Variants in KCNG2 observed in about 807,000 individuals in gnomAD.
The protein encoded by KCNG2 is potassium voltage-gated channel modifier subfamily G member 2.
A neutral mutation model predicts 12.3 loss-of-function variants in KCNG2; 7 were observed. That is an observed-to-expected ratio of 0.57 (90% CI 0.32 to 1.07). The LOEUF is 1.07. KCNG2 is among the 50% of genes least tolerant of loss of function. The pLI, the probability that KCNG2 is intolerant of heterozygous loss-of-function variation, is 0.04. For synonymous variants in KCNG2, 414 were observed against 351.4 expected (o/e 1.18, Z -1.99); for missense variants, 703 against 726.0 (o/e 0.97, Z 0.36).
chr18:79,813,183 TA>T (rs950191787), intron 1 of KCNG2, among the ~76,000 whole-genome samples: 1 of 152,064 alleles, frequency 6.6e-6, no homozygotes, highest in East Asian at 1.9e-4. Flanking sequence ...AATTTAAAAA[TA>T]AAAAAAGAAA....
chr18:79,820,477 A>T (rs889545208), intron 1 of KCNG2, among the ~76,000 whole-genome samples: 3 of 152,110 alleles, frequency 2.0e-5, no homozygotes, highest in Non-Finnish European at 2.9e-5. Context: ...TGTCTTTCTT[A>T]TTACAGCCAT....
intron 1 of KCNG2, among the ~76,000 whole-genome samples, chr18:79,842,303 G>A (rs1239807539): frequency 6.6e-6 from 1 of 152,180 alleles, no homozygotes; most frequent in Non-Finnish European, 1.5e-5. Flanking sequence ...TCCAGCAGCA[G>A]GCCTTCATAT....
intron 1 of KCNG2, among the ~76,000 whole-genome samples, chr18:79,801,855 G>C (rs1156780563): frequency 6.6e-6 from 1 of 152,226 alleles, no homozygotes; most frequent in African/African-American, 2.4e-5. Flanking sequence ...TCTCACCCGT[G>C]TCCCCGCCCT....
chr18:79,887,320 G>A (rs1230223855), intron 3 of KCNG2, among the ~76,000 whole-genome samples: 3 of 152,038 alleles, frequency 2.0e-5, no homozygotes, highest in African/African-American at 7.3e-5. Flanking sequence ...CAGAGGCGGA[G>A]GCCGCCCTGG....
At chr18:79,866,368 G>T (rs139062538) in intron 3 of KCNG2, among the ~76,000 whole-genome samples, 20,832 of 82,962 alleles carry the variant, frequency 0.25, 2,690 homozygotes, top group Middle Eastern at 0.36. Flanking sequence ...CTGAGGTCTG[G>T]GTGCTGAGGT....
At chr18:79,862,227 G>A (rs1979247367) in intron 2 of KCNG2, among the ~76,000 whole-genome samples, 1 of 152,176 alleles carries the variant, frequency 6.6e-6, no homozygotes, top group African/African-American at 2.4e-5. Flanking sequence ...ATAAGTGGCA[G>A]TTCTGGAAAT....
chr18:79,863,933 A>G lies in KCNG2; in HGVS notation c.266A>G (p.Lys89Arg). Residue 89 changes from lysine to arginine, a missense_variant, in exon 3 of 4, where the codon AAG becomes AGG. By Grantham distance (26) the Lys-to-Arg change is conservative. Transcript: ENST00000316249. ...RAIVALLRAG[K>R]LRLLRGPCAL... The stretch of plus-strand genomic sequence containing the variant: ...ATCGTGGCGCTTTTGCGCGCAGGGA[A>G]GCTGCGACTGCTGCGGGGCCCGTGC... 1.5e-6 allele frequency: 2 copies of G among 1,362,610 alleles called. No homozygotes were observed. Among genetic ancestry groups the G allele is most frequent in the Non-Finnish European group, 1.9e-6 (2 of 1,052,292 alleles). The allele number at this position is 1,362,610 out of a possible 1,614,324, so 84.4% of individuals were successfully genotyped here. A position where few individuals can be genotyped will look rare whatever the true frequency, so the allele number is the denominator to read the frequency against.
chr18:79,816,886 G>T (rs2087532528), intron 1 of KCNG2, among the ~76,000 whole-genome samples: 1 of 152,224 alleles, frequency 6.6e-6, no homozygotes, highest in Admixed American at 6.5e-5. Context: ...GTGCCTTGAG[G>T]CTGTATGGAG....
At chr18:79,817,832 C>A (rs1389542966) in intron 1 of KCNG2, among the ~76,000 whole-genome samples, 3 of 152,246 alleles carry the variant, frequency 2.0e-5, no homozygotes, top group Non-Finnish European at 4.4e-5. Context: ...GACCCTCGGA[C>A]CTGACTGTGA....
intron 2 of KCNG2, among the ~76,000 whole-genome samples, chr18:79,860,199 G>A (rs976795212): frequency 2.6e-5 from 4 of 152,186 alleles, no homozygotes; most frequent in Admixed American, 2.0e-4. Flanking sequence ...ATGATATCAA[G>A]TAAGTTTGAG....
intron 3 of KCNG2, among the ~76,000 whole-genome samples, chr18:79,887,807 G>A (rs1258628018): frequency 6.6e-6 from 1 of 152,188 alleles, no homozygotes; most frequent in Non-Finnish European, 1.5e-5. Context: ...TTTTCCCAGG[G>A]CCTGTGAAGT....
intron 3 of KCNG2, chr18:79,876,261 A>ATC (rs1437967714): frequency 6.6e-6 from 1 of 152,366 alleles, no homozygotes; most frequent in Non-Finnish European, 1.5e-5. Flanking sequence ...CACTGCGGAA[A>ATC]AGCCCCACTA....
At chr18:79,821,325 T>C (rs75723646) in intron 1 of KCNG2, among the ~76,000 whole-genome samples, 2,158 of 149,038 alleles carry the variant, frequency 0.014, 59 homozygotes, top group African/African-American at 0.051. Flanking sequence ...GCCTGGCTCT[T>C]GTCACCCAGG....
In KCNG2 at chr18:79,863,613, C is replaced by G. The variant is rs1282726398; in HGVS notation, c.-40-15C>G. 2.5e-6 allele frequency: 3 copies of G among 1,191,734 alleles called. No homozygotes were observed. The highest frequency in any genetic ancestry group is 2.1e-6 in the Non-Finnish European group (2 of 960,456). The allele number at this position is 1,191,734 out of a possible 1,614,324, so 73.8% of individuals were successfully genotyped here. The stretch of plus-strand genomic sequence containing the variant: ...TCAGCCCTCGCGACCCTAACGCGGT[C>G]CGTTCCTTTTGCAGGAGCCGGGCAG... On this transcript the variant is annotated splice_polypyrimidine_tract_variant and intron_variant, in intron 2 of 3. Coordinates refer to ENST00000316249, the MANE Select transcript of KCNG2 (RefSeq NM_012283.2).
At chr18:79,840,889 AT>A (rs1978440128) in intron 1 of KCNG2, among the ~76,000 whole-genome samples, 1 of 152,234 alleles carries the variant, frequency 6.6e-6, no homozygotes, top group Admixed American at 6.5e-5. Flanking sequence ...CCAAAAAAAA[AT>A]GAATCTTGAC....
At chr18:79,872,411 G>A (rs1167765158) in intron 3 of KCNG2, among the ~76,000 whole-genome samples, 2 of 149,598 alleles carry the variant, frequency 1.3e-5, no homozygotes, top group Non-Finnish European at 3.0e-5. Context: ...TCAGCCTCCC[G>A]AGTAGCTGGG....
In KCNG2 at chr18:79,873,538, G is replaced by A. The variant is rs1044148498; in HGVS notation, c.624+9247G>A. On this transcript the variant is annotated intron_variant, in intron 3 of 3. Transcript: ENST00000316249. ...CCTGTATGCAGCTGTGAGGGGCGTC[G>A]GGGAGCCGGCCCTAGCTGTCCGGCC... Among the ~76,000 whole-genome samples, 44 of 152,082 alleles carry A rather than the reference G, an allele frequency of 2.9e-4. No homozygotes were observed. The East Asian group carries it at 3.3e-3, about 11-fold the overall frequency.
chr18:79,877,351 G>A (rs1196037436), intron 3 of KCNG2, among the ~76,000 whole-genome samples: 1 of 152,176 alleles, frequency 6.6e-6, no homozygotes, highest in African/African-American at 2.4e-5. Context: ...CAGTGGCCGC[G>A]GCTGTTTGCC....
chr18:79,842,530 A>T (rs1978492736), intron 1 of KCNG2, among the ~76,000 whole-genome samples: 1 of 152,228 alleles, frequency 6.6e-6, no homozygotes, highest in Non-Finnish European at 1.5e-5. Flanking sequence ...GGAGATCTAC[A>T]AACAGCCTGA....
Sources: allele counts gnomAD v4.1 joint callset (sites outside exome capture counted in the v4.1 genomes callset), GRCh38; gene constraint gnomAD v4.1.1; transcripts MANE v1.5; gene names NCBI Gene and HGNC (gene_info 2026-07-23, HGNC 2026-07-21).